The following STOX2 variants were observed in gnomAD, a reference collection of about 807,000 sequenced individuals.
STOX2 encodes storkhead box 2, also known as storkhead-box protein 2.
Under a neutral mutation model 60.9 loss-of-function variants are expected in STOX2, and 28 were observed. That is an observed-to-expected ratio of 0.46 (90% CI 0.34 to 0.63). STOX2 has a LOEUF of 0.63. STOX2 is among the 30% of genes least tolerant of loss of function. The pLI, the probability that STOX2 is intolerant of heterozygous loss-of-function variation, is 0.01. For synonymous variants in STOX2, 472 were observed against 463.9 expected (o/e 1.02, Z -0.22); for missense variants, 1,024 against 1,187.7 (o/e 0.86, Z 2.03).
chr4:183,874,770 C>CAAAA (rs1178061588), intron 1 of STOX2, among the ~76,000 whole-genome samples: 1 of 149,540 alleles, frequency 6.7e-6, no homozygotes, highest in African/African-American at 2.5e-5. Flanking sequence ...AGTAAAAATA[C>CAAAA]AAAAAATTAG....
chr4:183,983,726 C>T (rs1274102730), intron 1 of STOX2, among the ~76,000 whole-genome samples: 2 of 152,184 alleles, frequency 1.3e-5, no homozygotes, highest in African/African-American at 4.8e-5. Context: ...GAGTGAAACT[C>T]ATTGCAAATA....
Position 184,001,744 on chromosome 4 carries a change from T to G in STOX2, c.319+267T>G, listed in dbSNP as rs1018453346. Among the ~76,000 whole-genome samples, 1 of 151,992 alleles carries G rather than the reference T, an allele frequency of 6.6e-6. No homozygotes were observed. The highest frequency in any genetic ancestry group is 2.4e-5 in the African/African-American group (1 of 41,356). On this transcript the variant is annotated intron_variant, in intron 2 of 3. Transcript: ENST00000308497. The surrounding 1 kb of genome is among the most constrained non-coding windows in gnomAD (Gnocchi z 4.2). ...GAATCCATGAAGAATCTGGCAAGAA[T>G]GACCAGGACTCCAGTCAGTCTTTGC...
chr4:183,974,931 A>G (rs1188898721), intron 1 of STOX2, among the ~76,000 whole-genome samples: 1 of 152,214 alleles, frequency 6.6e-6, no homozygotes, highest in African/African-American at 2.4e-5. Context: ...AGAAAAATAG[A>G]TGACAGCCAG....
rs1223500202 is a variant in STOX2, at chr4:184,017,463, C to T, written c.*179C>T. On this transcript the variant is annotated 3_prime_UTR_variant, in exon 4 of 4. Coordinates refer to ENST00000308497, the MANE Select transcript of STOX2 (RefSeq NM_020225.3). ...AAAAAATCTTTATTTCAGAGTATTG[C>T]TTTTCACATTTATGGCTCTGTAGCA... 1 of 571,948 alleles carries T rather than the reference C, an allele frequency of 1.7e-6. No homozygotes were observed. The highest frequency in any genetic ancestry group is 3.0e-6 in the Non-Finnish European group (1 of 330,436). 35.4% of individuals were successfully genotyped at this position (571,948 alleles called of 1,614,324 possible).
intron 3 of STOX2, chr4:184,014,132 A>AAAAAAC (rs1734273103): frequency 8.1e-5 from 11 of 136,402 alleles, no homozygotes; most frequent in African/African-American, 2.5e-4. Flanking sequence ...AAAAAAAAAA[A>AAAAAAC]AACAGAAAAA....
intron 1 of STOX2, among the ~76,000 whole-genome samples, chr4:183,881,697 AC>A (rs776810571): frequency 6.6e-5 from 10 of 152,224 alleles, no homozygotes; most frequent in Non-Finnish European, 1.3e-4. Context: ...AGGCAGAAAT[AC>A]ATGGAAAGAG....
intron 1 of STOX2, among the ~76,000 whole-genome samples, chr4:183,885,814 G>T (rs999774429): frequency 6.6e-6 from 1 of 152,200 alleles, no homozygotes; most frequent in African/African-American, 2.4e-5. Flanking sequence ...CCCAAAACCC[G>T]TGAAGGACCT....
intron 1 of STOX2, among the ~76,000 whole-genome samples, chr4:183,956,362 TTCTATCTA>T (rs57987067): frequency 0.091 from 13,552 of 149,094 alleles, 698 homozygotes; most frequent in African/African-American, 0.14. Flanking sequence ...GCTGCATTTG[TTCTATCTA>T]TCTATCTATC....
At chr4:183,990,706 A>G (rs1037437448) in intron 1 of STOX2, among the ~76,000 whole-genome samples, 13 of 146,204 alleles carry the variant, frequency 8.9e-5, no homozygotes, top group Non-Finnish European at 1.6e-4. Flanking sequence ...GGAGTCATGC[A>G]TGCCACTCTA....
chr4:183,839,018 C>T (rs535354205), intron 1 of STOX2, among the ~76,000 whole-genome samples: 19 of 150,824 alleles, frequency 1.3e-4, no homozygotes, highest in South Asian at 8.3e-4. Flanking sequence ...CGTGCACGCG[C>T]GCGCGCACAC....
intron 1 of STOX2, among the ~76,000 whole-genome samples, chr4:183,995,291 C>CTTTTTTTTTTTTTT (rs61681165): frequency 5.0e-5 from 4 of 79,452 alleles, no homozygotes; most frequent in African/African-American, 1.9e-4. Flanking sequence ...TTATTTTAGT[C>CTTTTTTTTTTTTTT]TTTTTTTTTT....
At chr4:184,013,331 A>G (rs1231211878) in intron 3 of STOX2, among the ~76,000 whole-genome samples, 1 of 152,252 alleles carries the variant, frequency 6.6e-6, no homozygotes, top group Non-Finnish European at 1.5e-5. Flanking sequence ...TGGGGTGCAG[A>G]ATATAGAATT....
intron 1 of STOX2, among the ~76,000 whole-genome samples, chr4:183,881,073 A>G (rs567377030): frequency 2.6e-5 from 4 of 151,960 alleles, no homozygotes; most frequent in African/African-American, 4.9e-5. Flanking sequence ...TCTGCCTTCA[A>G]TGAGACTGAA....
intron 1 of STOX2, among the ~76,000 whole-genome samples, chr4:183,927,491 C>A (rs565416789): frequency 4.2e-4 from 63 of 150,936 alleles, no homozygotes; most frequent in African/African-American, 1.5e-3. Flanking sequence ...TCATTTATTT[C>A]TGAGAACTTT....
rs1734055067 is a variant in STOX2 at position 184,009,751 on chromosome 4, A to G, written c.913A>G (p.Thr305Ala). 1.2e-6 allele frequency: 2 copies of G among 1,613,582 alleles called. No individual in the cohort carries two copies. Among genetic ancestry groups the G allele is most frequent in the Non-Finnish European group, 1.7e-6 (2 of 1,179,732 alleles). ...WPLRDEDTPATIPREVEMEII... is the reference protein window; with the variant it reads ...WPLRDEDTPAAIPREVEMEII... ...CCTGCGAGACGAGGACACGCCAGCTACGATCCCTCGGGAAGTAGAGATGGA... is the reference window on the plus strand; with the variant it reads ...CCTGCGAGACGAGGACACGCCAGCTGCGATCCCTCGGGAAGTAGAGATGGA... The change falls in exon 3 of 4, where the codon ACG (threonine) becomes GCG (alanine). Residue 305 changes from threonine (T) to alanine (A), a missense_variant. Physicochemically the swap from Thr to Ala is moderately conservative, Grantham distance 58. This residue lies in a region of STOX2 where 922 missense variants were observed against 1,058.3 expected (regional missense o/e 0.87). Coordinates refer to ENST00000308497, the MANE Select transcript of STOX2 (RefSeq NM_020225.3). The surrounding 1 kb of genome is among the most constrained non-coding windows in gnomAD (Gnocchi z 4.0).
Position 183,882,480 on chromosome 4 carries a change from C to T in STOX2, c.364+84425C>T, listed in dbSNP as rs375573518. On this transcript the variant is annotated intron_variant, in intron 1 of 2. Transcript: ENST00000513034. The stretch of plus-strand genomic sequence containing the variant: ...GAAACCTAATTCAATTAACTTCTAT[C>T]ACTTCATTCTATCCCAATTTTGAGT... Among the ~76,000 whole-genome samples, 5 of 152,212 alleles carry T rather than the reference C, an allele frequency of 3.3e-5. No individual in the cohort carries two copies. In the East Asian group the frequency reaches 9.6e-4, roughly 29 times the overall value.
rs1031503354 is a variant in STOX2 at position 184,009,154 on chromosome 4, T to C, written c.320-4T>C. The C allele has an allele frequency of 1.2e-5, 17 of 1,470,488 alleles. No homozygotes were observed. In the Admixed American group the frequency reaches 3.3e-4, roughly 28 times the overall value. 91.1% of individuals were successfully genotyped at this position (1,470,488 alleles called of 1,614,324 possible). On this transcript the variant is annotated splice_polypyrimidine_tract_variant and splice_region_variant and intron_variant, in intron 2 of 3. Coordinates refer to ENST00000308497, the MANE Select transcript of STOX2 (RefSeq NM_020225.3). This position sits in a 1 kb window ranked among gnomAD's most constrained non-coding sequence, Gnocchi z 4.0. Reference sequence around the variant, plus strand: ...ACAAGTGGTTTTTTTTTTTTTTTTTTCAGGTGTTCCAACGCCAAGCCAAGA... The same window carrying C: ...ACAAGTGGTTTTTTTTTTTTTTTTTCCAGGTGTTCCAACGCCAAGCCAAGA...
intron 1 of STOX2, among the ~76,000 whole-genome samples, chr4:183,882,605 G>GT (rs1201609796): frequency 6.6e-6 from 1 of 152,308 alleles, no homozygotes; most frequent in African/African-American, 2.4e-5. Flanking sequence ...AGTTTTTGTA[G>GT]TTGACCAAAT....
intron 1 of STOX2, among the ~76,000 whole-genome samples, chr4:183,841,182 T>TC (rs1560840549): frequency 1.0e-3 from 129 of 129,436 alleles, no homozygotes; most frequent in Non-Finnish European, 1.6e-3. Context: ...CATCGTAGTA[T>TC]TTATTTATTT....
Sources: allele counts gnomAD v4.1 joint callset (sites outside exome capture counted in the v4.1 genomes callset), GRCh38; gene constraint gnomAD v4.1.1; regional missense constraint gnomAD v4.1.1; non-coding constraint Gnocchi (gnomAD v3.1); transcripts MANE v1.5; gene names NCBI Gene and HGNC (gene_info 2026-07-23, HGNC 2026-07-21).